Variants in PARD3 observed in about 807,000 individuals in gnomAD.
PARD3 encodes the protein par-3 family cell polarity regulator.
A neutral mutation model predicts 155.4 loss-of-function variants in PARD3; 75 were observed. The observed-to-expected ratio is 0.48, with a 90% confidence interval of 0.40 to 0.58. PARD3 has a LOEUF of 0.58. Ranked by LOEUF, PARD3 falls within the 20% of genes least tolerant of loss-of-function variation. The pLI is 0.00. For synonymous variants in PARD3, 576 were observed against 610.5 expected, an observed-to-expected ratio of 0.94 and a Z score of 0.83; for missense variants, 1,642 against 1,721.7, an observed-to-expected ratio of 0.95 and a Z score of 0.82.
At chr10:34,806,052 ACAGAGT>A (rs113257272) in intron 1 of PARD3, among the ~76,000 whole-genome samples, 3,427 of 151,674 alleles carry the variant, frequency 0.023, 122 homozygotes, top group African/African-American at 0.078. Context: ...TCTGTTAGAG[ACAGAGT>A]CTCGCTGTGT....
chr10:34,558,125 A>G (rs1373869041), intron 2 of PARD3, among the ~76,000 whole-genome samples: 2 of 152,054 alleles, frequency 1.3e-5, no homozygotes, highest in Admixed American at 6.6e-5. Context: ...GTTTCTCACC[A>G]TGTTCTCACT....
chr10:34,174,521 C>T (rs1408501993), intron 22 of PARD3, among the ~76,000 whole-genome samples: 1 of 152,096 alleles, frequency 6.6e-6, no homozygotes, highest in African/African-American at 2.4e-5. Context: ...AGGTCGGGGG[C>T]GTGGAGTCCT....
At chr10:34,126,477 G>C (rs1273238835) in intron 23 of PARD3, among the ~76,000 whole-genome samples, 1 of 152,214 alleles carries the variant, frequency 6.6e-6, no homozygotes, top group Non-Finnish European at 1.5e-5. Flanking sequence ...TATGGGCTCA[G>C]TTGTACACAC....
chr10:34,249,333 G>A (rs1954151695), intron 22 of PARD3, among the ~76,000 whole-genome samples: 1 of 151,992 alleles, frequency 6.6e-6, no homozygotes, highest in Non-Finnish European at 1.5e-5. Flanking sequence ...AGCTTTTAAG[G>A]ACACAAATTT....
intron 5 of PARD3, among the ~76,000 whole-genome samples, chr10:34,411,732 C>CTAGA (rs3040339): frequency 0.041 from 6,054 of 148,182 alleles, 116 homozygotes; most frequent in Middle Eastern, 0.066. Context: ...ACATACATAT[C>CTAGA]TAGATAGATA....
At chr10:34,753,968 A>C (rs1836380889) in intron 1 of PARD3, among the ~76,000 whole-genome samples, 2 of 152,202 alleles carry the variant, frequency 1.3e-5, no homozygotes, top group African/African-American at 4.8e-5. Context: ...ACGTAGAAAA[A>C]ACAAAAATAG....
intron 12 of PARD3, among the ~76,000 whole-genome samples, chr10:34,368,235 C>G (rs1840179215): frequency 6.6e-6 from 1 of 152,158 alleles, no homozygotes; most frequent in Admixed American, 6.5e-5. Context: ...AAGACAAATG[C>G]ATTCTACAAA....
intron 22 of PARD3, among the ~76,000 whole-genome samples, chr10:34,166,537 C>T (rs914010778): frequency 2.0e-5 from 3 of 151,712 alleles, no homozygotes; most frequent in Non-Finnish European, 2.9e-5. Context: ...GGCAGGCAGG[C>T]GGAATTGCTT....
chr10:34,162,593 T>A (rs1249930783), intron 22 of PARD3, among the ~76,000 whole-genome samples: 1 of 152,220 alleles, frequency 6.6e-6, no homozygotes, highest in East Asian at 1.9e-4. Context: ...TAGAAGAGTA[T>A]GCTTCCTGCC....
chr10:34,676,445 T>C (rs1208373629), intron 2 of PARD3, among the ~76,000 whole-genome samples: 1 of 152,152 alleles, frequency 6.6e-6, no homozygotes, highest in Non-Finnish European at 1.5e-5. Flanking sequence ...TACCTGATTC[T>C]TCGTCTACCC....
intron 20 of PARD3, among the ~76,000 whole-genome samples, chr10:34,294,432 A>T (rs1439823980): frequency 6.6e-6 from 1 of 152,232 alleles, no homozygotes; most frequent in African/African-American, 2.4e-5. Flanking sequence ...GTGGTGGGGA[A>T]GCCCCAGGCT....
In PARD3 at chr10:34,634,390, C is replaced by CG. The variant is rs1398840288; in HGVS notation, c.222+61927dup. ...TGTGCAGAAAATTTCTGGAAGGATGCGGGAAAAAAAAGATAATGTTTTCCC... is the reference window on the plus strand; with the variant it reads ...TGTGCAGAAAATTTCTGGAAGGATGCGGGGAAAAAAAAGATAATGTTTTCCC... On this transcript the variant is annotated intron_variant, in intron 2 of 24. Transcript: ENST00000374788. Among the ~76,000 whole-genome samples the CG allele has an allele frequency of 2.0e-5, 3 of 151,710 alleles. No individual in the cohort carries two copies. The East Asian group carries it at 5.8e-4, about 29-fold the overall frequency.
intron 2 of PARD3, among the ~76,000 whole-genome samples, chr10:34,624,903 A>C (rs371352495): frequency 5.4e-4 from 82 of 152,326 alleles, no homozygotes; most frequent in African/African-American, 1.9e-3. Context: ...CCGGCTTCTC[A>C]GGGCTCAGGC....
At chr10:34,154,289 G>GTAAAACAA (rs1186912628) in intron 22 of PARD3, among the ~76,000 whole-genome samples, 32 of 152,316 alleles carry the variant, frequency 2.1e-4, no homozygotes, top group African/African-American at 7.5e-4. Flanking sequence ...CTGCAGAAAT[G>GTAAAACAA]TAAAACAATA....
chr10:34,601,151 C>T (rs577761057), intron 2 of PARD3, among the ~76,000 whole-genome samples: 12 of 151,026 alleles, frequency 7.9e-5, no homozygotes, highest in South Asian at 2.1e-4. Context: ...CCAGGCACAG[C>T]GGCTCACCCT....
intron 15 of PARD3, among the ~76,000 whole-genome samples, chr10:34,343,021 A>G (rs928399172): frequency 2.0e-5 from 3 of 152,184 alleles, no homozygotes; most frequent in Non-Finnish European, 2.9e-5. Context: ...CAAATTACTC[A>G]TTTATTTCTA....
intron 2 of PARD3, among the ~76,000 whole-genome samples, chr10:34,639,477 C>G (rs1046989271): frequency 1.3e-5 from 2 of 152,196 alleles, no homozygotes; most frequent in African/African-American, 4.8e-5. Context: ...AGGGCACATC[C>G]CCGTTAGTGT....
At chr10:34,573,212 C>T (rs1055389689) in intron 2 of PARD3, among the ~76,000 whole-genome samples, 1 of 150,868 alleles carries the variant, frequency 6.6e-6, no homozygotes, top group African/African-American at 2.4e-5. Context: ...AAAAATTAGC[C>T]AGGTGTGATG....
intron 2 of PARD3, among the ~76,000 whole-genome samples, chr10:34,595,657 T>G (rs1458849840): frequency 6.6e-6 from 1 of 152,202 alleles, no homozygotes; most frequent in Non-Finnish European, 1.5e-5. Context: ...AGTTTCTGTA[T>G]GCTGTAGTGG....
Sources: gnomAD v4.1 joint callset for allele counts (sites outside exome capture counted in the v4.1 genomes callset) on GRCh38, gnomAD v4.1.1 for gene constraint, MANE v1.5 for transcripts, NCBI Gene and HGNC (gene_info 2026-07-23, HGNC 2026-07-21) for gene names.